DENND4A: variants seen among roughly 807,000 people sequenced by gnomAD.
DENND4A encodes C-myc promoter-binding protein.
Under a neutral mutation model 199.3 loss-of-function variants are expected in DENND4A, and 70 were observed. The observed-to-expected ratio is 0.35, with a 90% CI of 0.29 to 0.43. The LOEUF (loss-of-function observed/expected upper bound fraction) is 0.43, where lower values mean the gene tolerates loss of function less well. Among genes scored for constraint, DENND4A ranks in the 20% least tolerant of loss-of-function variants. DENND4A has a pLI of 1.00. For synonymous variants in DENND4A, 686 were observed against 766.9 expected (o/e 0.89, Z 1.74); for missense variants, 1,723 against 2,255.8 (o/e 0.76, Z 4.78).
At position 65,664,674 on chromosome 15, in the gene DENND4A, A is replaced by C. The variant is rs2075978458; in HGVS notation, c.5408T>G (p.Phe1803Cys). The C allele has an allele frequency of 6.2e-7, 1 of 1,612,964 alleles. No homozygotes were observed. Among genetic ancestry groups the C allele is most frequent in the Non-Finnish European group, 8.5e-7 (1 of 1,179,370 alleles). Residue 1803 changes from phenylalanine to cysteine, a missense_variant, in exon 31 of 33, where the codon TTT becomes TGT. Physicochemically the swap from Phe to Cys is radical, Grantham distance 205 (BLOSUM62 -2). Transcript: ENST00000443035. ...VHLLQKSDNSFNQELLKSMVK... is the reference protein window; with the variant it reads ...VHLLQKSDNSCNQELLKSMVK... ...CATACTTTTCAACAGTTCCTGGTTA[A>C]ATGAGTTATCACTTTTTTGCAATAA...
chr15:65,734,599 T>TG (rs1183361953), intron 7 of DENND4A, among the ~76,000 whole-genome samples: 1 of 152,124 alleles, frequency 6.6e-6, no homozygotes, highest in Non-Finnish European at 1.5e-5. Flanking sequence ...CCCACAGGTG[T>TG]GGAGGGGCAA....
In DENND4A at chr15:65,676,458, A is replaced by G. The variant is rs745794028; in HGVS notation, c.4356T>C (p.Ser1452=). The change falls in exon 24 of 33, where the codon TCT becomes TCC. Residue 1452 remains serine, a synonymous_variant. Transcript: ENST00000443035. ...IDLSRISLES[S]ASLEGSLSKF... is the part of the protein sequence containing the mutation. ...GTTTGGACAAACCTTCCAAGGATGC[A>G]GAACTTTCCAGGCTTATTCGGCTGA... The G allele has an allele frequency of 6.2e-7, 1 of 1,606,550 alleles. No individual in the cohort carries two copies. Among genetic ancestry groups the G allele is most frequent in the Admixed American group, 1.7e-5 (1 of 59,408 alleles).
chr15:65,712,726 T>TA (rs34804757), intron 14 of DENND4A, among the ~76,000 whole-genome samples: 1,629 of 149,890 alleles, frequency 0.011, 28 homozygotes, highest in African/African-American at 0.037. Context: ...GCTGTTGTGT[T>TA]AAAAAAAAAA....
intron 19 of DENND4A, 26 bp downstream of exon 19, chr15:65,701,025 A>C (rs748642589): frequency 6.4e-7 from 1 of 1,570,710 alleles, no homozygotes; most frequent in Non-Finnish European, 8.6e-7. Flanking sequence ...ATTTTGAAGA[A>C]CAAGTAAAAC....
chr15:65,745,367 T>C (rs2076361258), intron 4 of DENND4A, among the ~76,000 whole-genome samples: 2 of 152,176 alleles, frequency 1.3e-5, no homozygotes. Context: ...ACCCTTAACC[T>C]TTTATTTTAA....
chr15:65,779,198 G>C (rs1179330136), intron 1 of DENND4A, among the ~76,000 whole-genome samples: 1 of 152,152 alleles, frequency 6.6e-6, no homozygotes, highest in Non-Finnish European at 1.5e-5. Flanking sequence ...GCTCACACCT[G>C]TAATCCCAGC....
At chr15:65,665,258 A>T in intron 30 of DENND4A, 87 bp downstream of exon 30, 1 of 972,646 alleles carries the variant, frequency 1.0e-6, no homozygotes, top group Non-Finnish European at 1.5e-6. Flanking sequence ...GTAAAATAAA[A>T]GTCAGTTATA....
chr15:65,787,627 T>C (rs2077600122), intron 1 of DENND4A, among the ~76,000 whole-genome samples: 1 of 152,200 alleles, frequency 6.6e-6, no homozygotes, highest in Admixed American at 6.5e-5. Context: ...CAAAAATTTA[T>C]TTGTAAATTT....
At chr15:65,725,397 C>T (rs1422522182) in intron 11 of DENND4A, among the ~76,000 whole-genome samples, 1 of 152,152 alleles carries the variant, frequency 6.6e-6, no homozygotes, top group Non-Finnish European at 1.5e-5. Context: ...ACTACCTCGG[C>T]TGGGCGCGGT....
At chr15:65,700,707 C>G in intron 19 of DENND4A, 32 bp from the exon 20 acceptor site, 1 of 1,506,254 alleles carries the variant, frequency 6.6e-7, no homozygotes. Flanking sequence ...CATTTTACTA[C>G]TCGAAGAGGT....
intron 29 of DENND4A, among the ~76,000 whole-genome samples, chr15:65,667,088 T>G (rs2076065436): frequency 6.6e-6 from 1 of 152,144 alleles, no homozygotes; most frequent in East Asian, 1.9e-4. Context: ...TCCCAACACT[T>G]TGGGAGGCTG....
At chr15:65,703,657 C>T (rs1046626172) in intron 15 of DENND4A, among the ~76,000 whole-genome samples, 2 of 152,154 alleles carry the variant, frequency 1.3e-5, no homozygotes, top group African/African-American at 4.8e-5. Context: ...GACCAAGATG[C>T]TCTGGACATT....
chr15:65,659,979 C>A lies in DENND4A; in HGVS notation c.*1872G>T, dbSNP rs8030336. 0.024 allele frequency: 6,013 copies of A among 254,770 alleles called. 366 individuals carry two copies. The highest frequency in any genetic ancestry group is 0.13 in the African/African-American group (5,631 of 44,918). The allele number at this position is 254,770 out of a possible 1,614,324, so 15.8% of individuals were successfully genotyped here. A position where few individuals can be genotyped will look rare whatever the true frequency, so the allele number is the denominator to read the frequency against. ...AAGCTGTTTTTAAAAGAATAAAAAC[C>A]ACCAACCACAAATAGAAGAGAACCC... On this transcript the variant is annotated 3_prime_UTR_variant, in exon 33 of 33. Coordinates refer to ENST00000443035, the MANE Select transcript of DENND4A (RefSeq NM_001320835.1).
chr15:65,746,234 C>T (rs1006828792), intron 4 of DENND4A, among the ~76,000 whole-genome samples: 1 of 151,936 alleles, frequency 6.6e-6, no homozygotes, highest in East Asian at 1.9e-4. Context: ...TCTAAAACTA[C>T]TTTAAACTCT....
At chr15:65,734,986 G>A (rs1360282744) in intron 7 of DENND4A, among the ~76,000 whole-genome samples, 1 of 152,162 alleles carries the variant, frequency 6.6e-6, no homozygotes, top group Admixed American at 6.5e-5. Flanking sequence ...GAGGGGCTGA[G>A]GTGGGAGGAT....
At chr15:65,686,668 G>A (rs1226439827) in intron 23 of DENND4A, among the ~76,000 whole-genome samples, 2 of 152,102 alleles carry the variant, frequency 1.3e-5, no homozygotes, top group South Asian at 2.1e-4. Flanking sequence ...CTCCTGAGTA[G>A]CTGGAACTAC....
chr15:65,722,459 C>A (rs907658680), intron 12 of DENND4A, among the ~76,000 whole-genome samples: 1 of 151,706 alleles, frequency 6.6e-6, no homozygotes, highest in Non-Finnish European at 1.5e-5. Flanking sequence ...AAAGCAAGAC[C>A]GTGTCTCAAA....
chr15:65,727,560 G>A (rs1407776949), intron 11 of DENND4A, among the ~76,000 whole-genome samples: 3 of 151,724 alleles, frequency 2.0e-5, no homozygotes, highest in African/African-American at 7.3e-5. Context: ...CCAGAAATTT[G>A]GCAGTGAGCT....
chr15:65,664,467 C>G (rs1466485800), intron 31 of DENND4A, 73 bp from the exon 32 acceptor site: 2 of 1,513,742 alleles, frequency 1.3e-6, no homozygotes, highest in Non-Finnish European at 1.8e-6. Flanking sequence ...AAATTTAATG[C>G]TATCATAAGC....
Sources: gnomAD v4.1 joint callset for allele counts (sites outside exome capture counted in the v4.1 genomes callset) on GRCh38, gnomAD v4.1.1 for gene constraint, MANE v1.5 for transcripts, NCBI Gene and HGNC (gene_info 2026-07-23, HGNC 2026-07-21) for gene names.